GRIK1: variants seen among roughly 807,000 people sequenced by gnomAD.
GRIK1 encodes glutamate receptor ionotropic, kainate 1.
Under a neutral mutation model 105.7 loss-of-function variants are expected in GRIK1, and 69 were observed. That is an observed-to-expected ratio of 0.65 (90% CI 0.54 to 0.80). GRIK1 has a LOEUF of 0.80. GRIK1 is among the 30% of genes least tolerant of loss of function. GRIK1 has a pLI of 0.00. For missense variants in GRIK1, 1,109 were observed against 1,167.3 expected (o/e 0.95, Z 0.73); for synonymous variants, 438 against 431.3 (o/e 1.02, Z -0.19).
At chr21:29,551,377 T>C (rs1481496132) in intron 16 of GRIK1, among the ~76,000 whole-genome samples, 1 of 152,192 alleles carries the variant, frequency 6.6e-6, no homozygotes, top group Non-Finnish European at 1.5e-5. Flanking sequence ...ACTGAGAAGT[T>C]TGGTAACTTG....
chr21:29,807,525 C>T (rs2066898756), intron 1 of GRIK1, among the ~76,000 whole-genome samples: 2 of 151,976 alleles, frequency 1.3e-5, no homozygotes, highest in South Asian at 2.1e-4. Flanking sequence ...CTTCATATAG[C>T]CAGTCAAGTG....
intron 4 of GRIK1, among the ~76,000 whole-genome samples, chr21:29,662,060 A>G (rs2062976389): frequency 6.6e-6 from 1 of 152,236 alleles, no homozygotes; most frequent in Non-Finnish European, 1.5e-5. Flanking sequence ...AAATAACTGT[A>G]CTATTTGGAA....
intron 1 of GRIK1, among the ~76,000 whole-genome samples, chr21:29,847,750 C>T (rs2068167504): frequency 6.6e-6 from 1 of 152,160 alleles, no homozygotes; most frequent in African/African-American, 2.4e-5. Flanking sequence ...TCTCTGTATC[C>T]TCAGCTGGAC....
chr21:29,774,446 CTTTTT>C (rs34378438), intron 1 of GRIK1, among the ~76,000 whole-genome samples: 1 of 102,432 alleles, frequency 9.8e-6, no homozygotes, highest in Non-Finnish European at 2.0e-5. Flanking sequence ...TTATTTTGCT[CTTTTT>C]TTTTTTTTTT....
At chr21:29,735,364 A>G (rs1459751491) in intron 1 of GRIK1, among the ~76,000 whole-genome samples, 2 of 152,232 alleles carry the variant, frequency 1.3e-5, no homozygotes, top group African/African-American at 2.4e-5. Flanking sequence ...GGCTGTGTTC[A>G]TTCAGAGGGG....
At chr21:29,866,874 C>T (rs989250170) in intron 1 of GRIK1, among the ~76,000 whole-genome samples, 3 of 152,190 alleles carry the variant, frequency 2.0e-5, no homozygotes, top group African/African-American at 4.8e-5. Context: ...AAACAAATTT[C>T]ATCAAACAAA....
intron 1 of GRIK1, among the ~76,000 whole-genome samples, chr21:29,859,305 T>C (rs1197680817): frequency 1.3e-5 from 2 of 151,866 alleles, no homozygotes; most frequent in East Asian, 3.9e-4. Context: ...GGCACATGTA[T>C]ATATATGTAA....
chr21:29,821,426 C>A (rs1220196677), intron 1 of GRIK1, among the ~76,000 whole-genome samples: 1 of 152,026 alleles, frequency 6.6e-6, no homozygotes, highest in Non-Finnish European at 1.5e-5. Context: ...TCCAGCATCA[C>A]CAGTGGCACT....
chr21:29,704,223 T>C (rs2063863083), intron 1 of GRIK1, among the ~76,000 whole-genome samples: 1 of 152,218 alleles, frequency 6.6e-6, no homozygotes. Context: ...GTTCCTGCCC[T>C]CAGCAGAGCT....
intron 13 of GRIK1, among the ~76,000 whole-genome samples, chr21:29,577,958 C>T (rs2090934838): frequency 6.6e-6 from 1 of 152,168 alleles, no homozygotes; most frequent in Admixed American, 6.5e-5. Flanking sequence ...AAAATAGAGG[C>T]ACTTAATGTG....
At chr21:29,918,546 G>A (rs956223324) in intron 1 of GRIK1, among the ~76,000 whole-genome samples, 4 of 151,968 alleles carry the variant, frequency 2.6e-5, no homozygotes, top group Non-Finnish European at 5.9e-5. Flanking sequence ...TATCTAAATT[G>A]AAAATCTTTA....
At chr21:29,923,340 A>C (rs1315580468) in intron 1 of GRIK1, among the ~76,000 whole-genome samples, 2 of 152,232 alleles carry the variant, frequency 1.3e-5, no homozygotes, top group African/African-American at 4.8e-5. Context: ...CATTCATATT[A>C]ATGTTTGAAA....
intron 16 of GRIK1, among the ~76,000 whole-genome samples, chr21:29,539,268 T>G (rs1319192337): frequency 1.3e-5 from 2 of 152,180 alleles, no homozygotes; most frequent in African/African-American, 2.4e-5. Flanking sequence ...CTGAAGATAT[T>G]AAGGAGAAAT....
Position 29,581,507 on chromosome 21 carries a change from G to T in GRIK1, c.1830C>A (p.Cys610Ter). The T allele has an allele frequency of 6.2e-7, 1 of 1,611,794 alleles. No homozygotes were observed. Among genetic ancestry groups the T allele is most frequent in the Non-Finnish European group, 8.5e-7 (1 of 1,177,942 alleles). Reference sequence around the variant, plus strand: ...TTTCCACCACGTCTGAGTCAGGGTTGCATGGGTGGGGGTTATACCACTCGT... The same window carrying T: ...TTTCCACCACGTCTGAGTCAGGGTTTCATGGGTGGGGGTTATACCACTCGT... ...TPYEWYNPHP[C>*]NPDSDVVENN... Residue 610 changes from cysteine to a stop codon, truncating the protein, a stop_gained, in exon 13 of 18, where the codon TGC becomes TGA. Transcript: ENST00000327783. LOFTEE classifies it high-confidence loss of function.
At chr21:29,541,741 C>T (rs1285453592) in intron 16 of GRIK1, among the ~76,000 whole-genome samples, 2 of 151,816 alleles carry the variant, frequency 1.3e-5, no homozygotes, top group East Asian at 1.9e-4. Context: ...TTTTCAATGC[C>T]TATTACCACT....
chr21:29,613,490 A>G (rs2061774293), intron 7 of GRIK1, among the ~76,000 whole-genome samples: 1 of 152,162 alleles, frequency 6.6e-6, no homozygotes, highest in Non-Finnish European at 1.5e-5. Context: ...TCTTTGTCTG[A>G]TACTCATGTT....
rs776919394 is a variant in GRIK1 at position 29,693,876 on chromosome 21, A to T, written c.286+20T>A. Reference sequence around the variant, plus strand: ...AGACATATCACCCAAAGAAGCTTTTAAAAGTGGGAAAATAGTTACCTCTCC... The same window carrying T: ...AGACATATCACCCAAAGAAGCTTTTTAAAGTGGGAAAATAGTTACCTCTCC... On this transcript the variant is annotated intron_variant, in intron 2 of 17. Transcript: ENST00000327783. The T allele has an allele frequency of 2.5e-6, 4 of 1,591,304 alleles. No homozygotes were observed. In the South Asian group the frequency reaches 4.5e-5, roughly 18 times the overall value.
intron 1 of GRIK1, among the ~76,000 whole-genome samples, chr21:29,741,317 C>T (rs1434483597): frequency 6.6e-6 from 1 of 152,074 alleles, no homozygotes; most frequent in Non-Finnish European, 1.5e-5. Flanking sequence ...CAATCATTGA[C>T]AGGTTAATTT....
At chr21:29,927,080 G>A (rs1420427522) in intron 1 of GRIK1, among the ~76,000 whole-genome samples, 1 of 152,014 alleles carries the variant, frequency 6.6e-6, no homozygotes, top group Non-Finnish European at 1.5e-5. Context: ...AAATTGGCAT[G>A]GTCTGTGTGG....
Sources: allele counts gnomAD v4.1 joint callset (sites outside exome capture counted in the v4.1 genomes callset), GRCh38; gene constraint gnomAD v4.1.1; transcripts MANE v1.5; gene names NCBI Gene and HGNC (gene_info 2026-07-23, HGNC 2026-07-21).